TPTE: variants seen among roughly 807,000 people sequenced by gnomAD.
TPTE encodes putative tyrosine-protein phosphatase TPTE.
Under a neutral mutation model 84.1 loss-of-function variants are expected in TPTE, and 59 were observed. That is an observed-to-expected ratio of 0.70 (90% CI 0.57 to 0.87). The LOEUF (loss-of-function observed/expected upper bound fraction) is 0.87. TPTE is among the 40% of genes least tolerant of loss of function. TPTE has a pLI of 0.00. For synonymous variants in TPTE, 130 were observed against 223.5 expected (o/e 0.58, Z 3.73); for missense variants, 382 against 659.6 (o/e 0.58, Z 4.61).
At chr21:10,599,626 T>C (rs1299053521) in intron 21 of TPTE, among the ~76,000 whole-genome samples, 6 of 152,266 alleles carry the variant, frequency 3.9e-5, no homozygotes, top group African/African-American at 1.4e-4. Flanking sequence ...ACATAGGAAA[T>C]GCTCAACCAT....
At chr21:10,593,385 T>C (rs1156794113) in intron 19 of TPTE, among the ~76,000 whole-genome samples, 1 of 152,308 alleles carries the variant, frequency 6.6e-6, no homozygotes, top group Non-Finnish European at 1.5e-5. Flanking sequence ...TCTTTGAAAA[T>C]TTAGTTTGTT....
intron 23 of TPTE, 62 bp from the exon 24 acceptor site, chr21:10,605,355 C>T: frequency 6.3e-7 from 1 of 1,587,846 alleles, no homozygotes; most frequent in Non-Finnish European, 8.6e-7. Flanking sequence ...ACGTGGGTAC[C>T]CAACTGTGTG....
At chr21:10,593,676 G>T (rs908402435) in intron 19 of TPTE, among the ~76,000 whole-genome samples, 1 of 152,308 alleles carries the variant, frequency 6.6e-6, no homozygotes, top group African/African-American at 2.4e-5. Flanking sequence ...TTTAGAGAAA[G>T]TAACCTTTGA....
At chr21:10,547,422 A>G (rs1160633112) in intron 7 of TPTE, among the ~76,000 whole-genome samples, 1 of 152,308 alleles carries the variant, frequency 6.6e-6, no homozygotes, top group Non-Finnish European at 1.5e-5. Flanking sequence ...TTCTCATTGC[A>G]GGGTGAAGGT....
chr21:10,585,220 ACT>A lies in TPTE; in HGVS notation c.1028-5239_1028-5238del, dbSNP rs1198961594. ...TCTCCAACCTGGATGACAGAGTAAG[ACT>A]CTGTCTCAAAAAATGAAACAAAAAA... On this transcript the variant is annotated intron_variant, in intron 17 of 23. Coordinates refer to ENST00000618007, the MANE Select transcript of TPTE (RefSeq NM_199261.4). Among the ~76,000 whole-genome samples, 13 of 152,276 alleles carry A rather than the reference ACT, an allele frequency of 8.5e-5. No homozygotes were observed. In the South Asian group the frequency reaches 2.1e-3, roughly 24 times the overall value.
At chr21:10,550,662 T>TA (rs1341516274) in intron 7 of TPTE, among the ~76,000 whole-genome samples, 1 of 152,414 alleles carries the variant, frequency 6.6e-6, no homozygotes, top group African/African-American at 2.4e-5. Flanking sequence ...GGCACTTCCG[T>TA]ATCCCACTCT....
At chr21:10,523,836 T>G (rs1264005647) in intron 1 of TPTE, among the ~76,000 whole-genome samples, 1 of 152,422 alleles carries the variant, frequency 6.6e-6, no homozygotes, top group African/African-American at 2.4e-5. Context: ...CTGGGTCAAA[T>G]GGTATTTCTA....
chr21:10,523,410 A>G (rs1383433911), intron 1 of TPTE, among the ~76,000 whole-genome samples: 2 of 151,134 alleles, frequency 1.3e-5, no homozygotes, highest in Admixed American at 6.6e-5. Context: ...CAAACTCCTC[A>G]TCTAGCATTT....
At chr21:10,582,680 C>CT (rs1295845145) in intron 17 of TPTE, among the ~76,000 whole-genome samples, 2 of 152,308 alleles carry the variant, frequency 1.3e-5, no homozygotes, top group East Asian at 1.9e-4. Flanking sequence ...AATGGAATCT[C>CT]TTTTTTTCTA....
chr21:10,562,749 C>T (rs867250604), intron 10 of TPTE, among the ~76,000 whole-genome samples: 3,311 of 149,980 alleles, frequency 0.022, 1 homozygote, highest in African/African-American at 0.08. Flanking sequence ...AAAACAACGA[C>T]GCCTGCCTAC....
intron 13 of TPTE, 56 bp from the exon 14 acceptor site, chr21:10,570,429 G>T (rs529868057): frequency 9.9e-6 from 16 of 1,610,386 alleles, no homozygotes; most frequent in Admixed American, 6.7e-5. Context: ...TAATTTTTTT[G>T]TATGTTGTAT....
At chr21:10,576,876 T>G (rs1463077090) in intron 14 of TPTE, among the ~76,000 whole-genome samples, 3 of 132,432 alleles carry the variant, frequency 2.3e-5, no homozygotes, top group East Asian at 2.3e-4. Flanking sequence ...TATATATATA[T>G]AGACACACAC....
intron 4 of TPTE, among the ~76,000 whole-genome samples, chr21:10,539,474 T>G (rs1251661205): frequency 2.6e-5 from 4 of 152,402 alleles, no homozygotes; most frequent in African/African-American, 9.6e-5. Context: ...ATAGATGGGA[T>G]TAGGAGGAGG....
At chr21:10,578,060 T>A (rs527968304) in intron 15 of TPTE, among the ~76,000 whole-genome samples, 2 of 152,430 alleles carry the variant, frequency 1.3e-5, no homozygotes, top group South Asian at 2.1e-4. Flanking sequence ...GGTTTCTAAC[T>A]ACCCTGAAAT....
intron 22 of TPTE, 27 bp from the exon 23 acceptor site, chr21:10,603,535 T>C (rs776758509): frequency 6.3e-7 from 1 of 1,599,772 alleles, no homozygotes; most frequent in African/African-American, 1.3e-5. Flanking sequence ...GTATCAGTTT[T>C]ACTTTGAAAT....
intron 7 of TPTE, among the ~76,000 whole-genome samples, chr21:10,551,102 GTTA>G: frequency 6.6e-6 from 1 of 152,312 alleles, no homozygotes; most frequent in Non-Finnish European, 1.5e-5. Flanking sequence ...AGCAAAAGCA[GTTA>G]TTAAGAACTA....
At chr21:10,589,675 G>A (rs2075429887) in intron 17 of TPTE, among the ~76,000 whole-genome samples, 2 of 152,302 alleles carry the variant, frequency 1.3e-5, no homozygotes, top group Admixed American at 1.3e-4. Context: ...CGGGTTGCAT[G>A]GATGTCCAGT....
rs2075099100 is a variant in TPTE, at chr21:10,573,992, C to T, written c.795+3443C>T. 2.0e-5 allele frequency among the ~76,000 whole-genome samples: 3 copies of T among 152,310 alleles called. No homozygotes were observed. In the East Asian group the frequency reaches 5.8e-4, roughly 29 times the overall value. The stretch of plus-strand genomic sequence containing the variant: ...TCAAGGAGTAGAAAATAAACTCCAA[C>T]TCTTGATGGAAGGAATTATAAAGAA... On this transcript the variant is annotated intron_variant, in intron 14 of 23. Coordinates refer to ENST00000618007, the MANE Select transcript of TPTE (RefSeq NM_199261.4).
intron 7 of TPTE, among the ~76,000 whole-genome samples, chr21:10,548,439 A>T (rs1172308476): frequency 2.6e-5 from 4 of 152,308 alleles, no homozygotes; most frequent in Non-Finnish European, 2.9e-5. Context: ...CCCAGAAGAC[A>T]TGCCCTTAGG....
Sources: gnomAD v4.1 joint callset for allele counts (sites outside exome capture counted in the v4.1 genomes callset) on GRCh38, gnomAD v4.1.1 for gene constraint, MANE v1.5 for transcripts, NCBI Gene and HGNC (gene_info 2026-07-23, HGNC 2026-07-21) for gene names.